The following MAOB variants were observed in gnomAD, a reference collection of about 807,000 sequenced individuals.
The protein encoded by MAOB is amine oxidase [flavin-containing] B.
A neutral mutation model predicts 41.9 loss-of-function variants in MAOB; 15 were observed. That is an observed-to-expected ratio of 0.36 (90% CI 0.24 to 0.55). MAOB has a LOEUF of 0.55. MAOB is among the 20% of genes least tolerant of loss of function. The probability of loss-of-function intolerance (pLI) is 0.86; values close to 1 mark genes in which losing one functional copy is unlikely to be tolerated. For missense variants in MAOB, 345 were observed against 398.7 expected, an observed-to-expected ratio of 0.87 and a Z score of 1.15; for synonymous variants, 167 against 144.2, an observed-to-expected ratio of 1.16 and a Z score of -1.13.
intron 3 of MAOB, among the ~76,000 whole-genome samples, chrX:43,828,603 C>A (rs773972372): frequency 1.8e-5 from 2 of 111,319 alleles, no homozygotes; most frequent in Non-Finnish European, 3.8e-5. Flanking sequence ...GGGTTGAGGG[C>A]CTGCCCCGCA....
At chrX:43,793,080 C>T (rs973277480) in intron 8 of MAOB, among the ~76,000 whole-genome samples, 1 of 111,992 alleles carries the variant, frequency 8.9e-6, no homozygotes, top group Non-Finnish European at 1.9e-5. Context: ...AATGTAGAAA[C>T]AGAAAACCAA....
chrX:43,832,129 T>C (rs941271101), intron 3 of MAOB, among the ~76,000 whole-genome samples: 1 of 111,878 alleles, frequency 8.9e-6, no homozygotes, highest in Non-Finnish European at 1.9e-5. Flanking sequence ...CAATTGTGTG[T>C]GCCTTTGTCT....
At chrX:43,769,497 G>A (rs1341479601) in intron 12 of MAOB, 79 bp from the exon 13 acceptor site, 3 of 1,094,813 alleles carry the variant, frequency 2.7e-6, no homozygotes, top group African/African-American at 3.8e-5. Context: ...ACCAATGCTG[G>A]TCAGCTTCCA....
intron 3 of MAOB, among the ~76,000 whole-genome samples, chrX:43,819,870 G>A (rs2034861269): frequency 8.9e-6 from 1 of 112,209 alleles, no homozygotes; most frequent in African/African-American, 3.2e-5. Context: ...TAGGTGAACA[G>A]ACCAAACTGA....
At chrX:43,778,614 C>G (rs1422708962) in intron 11 of MAOB, 68 bp downstream of exon 11, 3 of 898,518 alleles carry the variant, frequency 3.3e-6, no homozygotes, top group African/African-American at 4.0e-5. Flanking sequence ...ATTAACCTAT[C>G]CCTGCTAGTC....
chrX:43,800,798 C>T (rs1259505166), intron 5 of MAOB, among the ~76,000 whole-genome samples: 1 of 111,515 alleles, frequency 9.0e-6, no homozygotes, highest in East Asian at 2.8e-4. Flanking sequence ...TAATATTAAA[C>T]GTTAAAAATA....
chrX:43,796,785 C>T (rs905063545), intron 6 of MAOB, among the ~76,000 whole-genome samples: 1 of 111,966 alleles, frequency 8.9e-6, no homozygotes, highest in Non-Finnish European at 1.9e-5. Context: ...ATTGAAAATG[C>T]ATTACTGAAT....
chrX:43,787,184 A>G (rs1390078998), intron 8 of MAOB, among the ~76,000 whole-genome samples: 1 of 111,398 alleles, frequency 9.0e-6, no homozygotes, highest in African/African-American at 3.3e-5. Flanking sequence ...TTTCTCAGAG[A>G]GAAAAGAAGC....
rs1480425646 is a variant in MAOB, at chrX:43,781,466, T to C, written c.1007A>G (p.Asn336Ser). The change falls in exon 9 of 15, where the codon AAC becomes AGC. Residue 336 changes from asparagine to serine, a missense_variant. Transcript: ENST00000378069. ...GCCTTACCCCATTATGGCAGCATAG[T>C]TGCCTTCAGGTTTGGTATCATCCAA... ...YTLDDTKPEG[N>S]YAAIMGFILA... 2.5e-6 allele frequency: 3 copies of C among 1,190,993 alleles called. No homozygotes were observed. Among genetic ancestry groups the C allele is most frequent in the South Asian group, 1.9e-5 (1 of 53,807 alleles).
intron 3 of MAOB, among the ~76,000 whole-genome samples, chrX:43,825,955 G>C (rs1237785123): frequency 8.9e-6 from 1 of 111,802 alleles, no homozygotes; most frequent in African/African-American, 3.3e-5. Flanking sequence ...TCTGCACTTA[G>C]CCATATTTCT....
intron 8 of MAOB, among the ~76,000 whole-genome samples, chrX:43,790,702 C>T (rs1214311535): frequency 9.0e-6 from 1 of 110,569 alleles, no homozygotes; most frequent in East Asian, 2.8e-4. Context: ...CAGTCTCAGC[C>T]TCCCGAGAAG....
intron 5 of MAOB, among the ~76,000 whole-genome samples, chrX:43,797,837 A>G (rs968765760): frequency 9.0e-6 from 1 of 111,553 alleles, no homozygotes; most frequent in African/African-American, 3.3e-5. Flanking sequence ...CCCTACCATG[A>G]TGCTCTCTCT....
intron 12 of MAOB, among the ~76,000 whole-genome samples, chrX:43,773,837 T>C (rs191433502): frequency 8.9e-6 from 1 of 112,263 alleles, no homozygotes; most frequent in East Asian, 2.8e-4. Flanking sequence ...CCCAGCCATG[T>C]AGAACTGTAA....
chrX:43,794,545 G>A (rs1257066471), intron 7 of MAOB, among the ~76,000 whole-genome samples: 1 of 110,600 alleles, frequency 9.0e-6, no homozygotes, highest in African/African-American at 3.3e-5. Context: ...TTTTGTTCAC[G>A]ACTGTGTTCT....
intron 7 of MAOB, 77 bp from the exon 8 acceptor site, chrX:43,793,655 A>T (rs1476868637): frequency 1.2e-6 from 1 of 848,170 alleles, no homozygotes; most frequent in Non-Finnish European, 1.7e-6. Context: ...CTCTCATTCT[A>T]TCGTTATATT....
At position 43,875,805 on chromosome X, in the gene MAOB, G is replaced by A. The variant is rs1011290910; in HGVS notation, c.46+6449C>T. Among the ~76,000 whole-genome samples, 4 of 111,178 alleles carry A rather than the reference G, an allele frequency of 3.6e-5. No homozygotes were observed. In the Middle Eastern group the frequency reaches 0.014, roughly 384 times the overall value. On this transcript the variant is annotated intron_variant, in intron 1 of 14. Coordinates refer to ENST00000378069, the MANE Select transcript of MAOB (RefSeq NM_000898.5). ...GGAGTTAGCCCAGGAACACTCACCC[G>A]CTTTTCAAGTACCAAGAAAAATTGA...
At chrX:43,830,881 T>G (rs1311971796) in intron 3 of MAOB, among the ~76,000 whole-genome samples, 1 of 111,974 alleles carries the variant, frequency 8.9e-6, no homozygotes, top group East Asian at 2.8e-4. Context: ...CTTGTTTCTT[T>G]AAACCTCAGA....
At chrX:43,807,895 G>T (rs1375882822) in intron 3 of MAOB, among the ~76,000 whole-genome samples, 1 of 111,382 alleles carries the variant, frequency 9.0e-6, no homozygotes, top group East Asian at 2.8e-4. Context: ...ACAATGCCCC[G>T]ATTTATAAAC....
intron 1 of MAOB, among the ~76,000 whole-genome samples, chrX:43,849,800 A>G (rs763570784): frequency 7.1e-5 from 8 of 112,874 alleles, no homozygotes; most frequent in African/African-American, 2.6e-4. Context: ...GTGACATTTG[A>G]TTACTGAGTA....
Sources: allele counts gnomAD v4.1 joint callset (sites outside exome capture counted in the v4.1 genomes callset), GRCh38; gene constraint gnomAD v4.1.1; transcripts MANE v1.5; gene names NCBI Gene and HGNC (gene_info 2026-07-23, HGNC 2026-07-21).